The following SH3RF3 variants were observed in gnomAD, a reference collection of about 807,000 sequenced individuals.
SH3RF3 encodes E3 ubiquitin-protein ligase SH3RF3.
SH3RF3 carries 29 observed loss-of-function variants against 66.3 expected under a neutral mutation model. The ratio of observed to expected loss-of-function variants is 0.44; its 90% CI spans 0.33 to 0.60. The LOEUF (loss-of-function observed/expected upper bound fraction) is 0.60. Ranked by LOEUF, SH3RF3 falls within the 20% of genes least tolerant of loss-of-function variation. SH3RF3 has a pLI of 0.04. For missense variants in SH3RF3, 1,194 were observed against 1,190.9 expected, an observed-to-expected ratio of 1.00 and a Z score of -0.04; for synonymous variants, 583 against 532.0, an observed-to-expected ratio of 1.10 and a Z score of -1.32.
intron 2 of SH3RF3, among the ~76,000 whole-genome samples, chr2:109,354,806 AAC>A (rs1230501985): frequency 6.6e-6 from 1 of 152,254 alleles, no homozygotes; most frequent in African/African-American, 2.4e-5. Context: ...TGGAAGTGAA[AAC>A]ACAGACTTTG....
intron 1 of SH3RF3, among the ~76,000 whole-genome samples, chr2:109,164,110 T>A (rs1677559509): frequency 6.6e-6 from 1 of 152,162 alleles, no homozygotes; most frequent in African/African-American, 2.4e-5. Context: ...ACTCTTCTCT[T>A]GTGTCTGTTA....
intron 1 of SH3RF3, among the ~76,000 whole-genome samples, chr2:109,174,365 T>A (rs1677869632): frequency 6.6e-6 from 1 of 152,216 alleles, no homozygotes; most frequent in African/African-American, 2.4e-5. Flanking sequence ...GGTTTTTGAC[T>A]TCCTTTCATT....
chr2:109,428,155 C>T (rs1677088175), intron 5 of SH3RF3, among the ~76,000 whole-genome samples: 3 of 152,296 alleles, frequency 2.0e-5, no homozygotes, highest in South Asian at 2.1e-4. Context: ...TTCGAGCCAG[C>T]GTGGCCCTGG....
At chr2:109,281,952 A>G (rs1171745503) in intron 1 of SH3RF3, among the ~76,000 whole-genome samples, 1 of 152,114 alleles carries the variant, frequency 6.6e-6, no homozygotes, top group African/African-American at 2.4e-5. Context: ...TGTGGTTTGT[A>G]GAGCAGAAGC....
At chr2:109,463,665 AGAG>A (rs564027336) in intron 8 of SH3RF3, among the ~76,000 whole-genome samples, 118 of 152,336 alleles carry the variant, frequency 7.7e-4, no homozygotes, top group African/African-American at 2.6e-3. Flanking sequence ...GGCTCACAAA[AGAG>A]GAGATGTTCA....
intron 1 of SH3RF3, among the ~76,000 whole-genome samples, chr2:109,298,764 C>T (rs1252423272): frequency 1.3e-5 from 2 of 152,172 alleles, no homozygotes; most frequent in Non-Finnish European, 2.9e-5. Context: ...AACCTTCTTC[C>T]ACCCCTGGTC....
intron 1 of SH3RF3, among the ~76,000 whole-genome samples, chr2:109,294,023 C>G (rs537955807): frequency 6.6e-6 from 1 of 152,244 alleles, no homozygotes; most frequent in Admixed American, 6.5e-5. Flanking sequence ...GTGTCACATC[C>G]CTTCTTGGAA....
intron 1 of SH3RF3, among the ~76,000 whole-genome samples, chr2:109,305,547 A>G (rs1452580092): frequency 6.6e-6 from 1 of 152,130 alleles, no homozygotes; most frequent in African/African-American, 2.4e-5. Flanking sequence ...TGTGGAAATT[A>G]TGCACCAGGA....
intron 1 of SH3RF3, among the ~76,000 whole-genome samples, chr2:109,200,405 T>C (rs1678641927): frequency 2.0e-5 from 3 of 152,146 alleles, no homozygotes. Flanking sequence ...CTTTCTCTCT[T>C]TCCCTCCATC....
At chr2:109,319,104 G>A (rs1263909902) in intron 1 of SH3RF3, among the ~76,000 whole-genome samples, 1 of 152,176 alleles carries the variant, frequency 6.6e-6, no homozygotes, top group Non-Finnish European at 1.5e-5. Context: ...CTGCTTGTAG[G>A]TGTCTGCAGA....
intron 1 of SH3RF3, among the ~76,000 whole-genome samples, chr2:109,298,630 GCTC>G (rs1486405805): frequency 6.6e-6 from 1 of 152,092 alleles, no homozygotes; most frequent in Admixed American, 6.5e-5. Context: ...TCAGTCAAAT[GCTC>G]CTCGGAGCAC....
chr2:109,343,470 A>T (rs1682603932), intron 1 of SH3RF3, among the ~76,000 whole-genome samples: 2 of 151,528 alleles, frequency 1.3e-5, no homozygotes, highest in African/African-American at 4.9e-5. Flanking sequence ...TGAGATGGGG[A>T]TACAGGGGGC....
At chr2:109,304,262 C>T (rs1681541348) in intron 1 of SH3RF3, among the ~76,000 whole-genome samples, 2 of 152,102 alleles carry the variant, frequency 1.3e-5, no homozygotes, top group African/African-American at 4.8e-5. Context: ...CAACCCCAGC[C>T]CCTGGTAACC....
intron 1 of SH3RF3, among the ~76,000 whole-genome samples, chr2:109,242,417 G>A (rs1679806640): frequency 6.6e-6 from 1 of 152,168 alleles, no homozygotes; most frequent in African/African-American, 2.4e-5. Flanking sequence ...CCATAGAGCA[G>A]CCCGTGCCTA....
chr2:109,252,416 C>T (rs1191077196), intron 1 of SH3RF3, among the ~76,000 whole-genome samples: 1 of 152,184 alleles, frequency 6.6e-6, no homozygotes, highest in African/African-American at 2.4e-5. Context: ...GAAACTGCTT[C>T]CTCAGGCTTG....
intron 1 of SH3RF3, among the ~76,000 whole-genome samples, chr2:109,210,054 G>A (rs1321226544): frequency 6.6e-6 from 1 of 152,202 alleles, no homozygotes; most frequent in African/African-American, 2.4e-5. Flanking sequence ...GAGTCAAACA[G>A]TATTTGTCCT....
At chr2:109,424,881 T>C (rs1676988227) in intron 5 of SH3RF3, among the ~76,000 whole-genome samples, 1 of 152,172 alleles carries the variant, frequency 6.6e-6, no homozygotes, top group Non-Finnish European at 1.5e-5. Flanking sequence ...GAGTCGAACA[T>C]CTCTCACTTT....
intron 1 of SH3RF3, among the ~76,000 whole-genome samples, chr2:109,213,540 C>T (rs1679040537): frequency 6.6e-6 from 1 of 152,188 alleles, no homozygotes; most frequent in Admixed American, 6.5e-5. Flanking sequence ...CCTCTATCAC[C>T]TAACAGGGGG....
chr2:109,304,461 G>A (rs1171981626), intron 1 of SH3RF3, among the ~76,000 whole-genome samples: 1 of 152,106 alleles, frequency 6.6e-6, no homozygotes, highest in African/African-American at 2.4e-5. Flanking sequence ...TTGTCTGCTA[G>A]GGGTTCCTTG....
Sources: gnomAD v4.1 joint callset for allele counts (sites outside exome capture counted in the v4.1 genomes callset) on GRCh38, gnomAD v4.1.1 for gene constraint, MANE v1.5 for transcripts, NCBI Gene and HGNC (gene_info 2026-07-23, HGNC 2026-07-21) for gene names.